The following RPL11 variants were observed in gnomAD, a reference collection of about 807,000 sequenced individuals.
RPL11 encodes large ribosomal subunit protein uL5.
A neutral mutation model predicts 24.1 loss-of-function variants in RPL11; 3 were observed. The ratio of observed to expected loss-of-function variants is 0.12; its 90% CI spans 0.06 to 0.32. RPL11 has a LOEUF of 0.32. Ranked by LOEUF, RPL11 falls within the 10% of genes least tolerant of loss-of-function variation. The probability of loss-of-function intolerance (pLI) is 1.00; values close to 1 mark genes in which losing one functional copy is unlikely to be tolerated. For missense variants in RPL11, 146 were observed against 225.7 expected (o/e 0.65, Z 2.26); for synonymous variants, 96 against 75.7 (o/e 1.27, Z -1.39).
At chr1:23,694,577 C>T in intron 3 of RPL11, 83 bp from the exon 4 acceptor site, 2 of 1,585,944 alleles carry the variant, frequency 1.3e-6, no homozygotes, top group South Asian at 1.1e-5. Context: ...GTGCATGTTG[C>T]AGGCTGAGCT....
intron 5 of RPL11, 24 bp from the exon 6 acceptor site, chr1:23,696,320 A>G: frequency 6.2e-7 from 1 of 1,613,318 alleles, no homozygotes; most frequent in Non-Finnish European, 8.5e-7. Flanking sequence ...CTGTTCTGAA[A>G]AAATTAAATC....
At chr1:23,693,142 C>T (rs1234576233) in intron 2 of RPL11, among the ~76,000 whole-genome samples, 1 of 152,170 alleles carries the variant, frequency 6.6e-6, no homozygotes, top group African/African-American at 2.4e-5. Context: ...TATATTAGTG[C>T]CACTGCACTC....
intron 1 of RPL11, chr1:23,692,162 C>T (rs1378246931): frequency 2.0e-5 from 10 of 508,990 alleles, no homozygotes; most frequent in African/African-American, 3.9e-5. Flanking sequence ...TTGCTCGGTG[C>T]TAGGAAACCT....
intron 1 of RPL11, 94 bp from the exon 2 acceptor site, chr1:23,692,515 A>G: frequency 1.3e-6 from 2 of 1,517,514 alleles, no homozygotes; most frequent in Non-Finnish European, 1.8e-6. Flanking sequence ...ACGATTTGGG[A>G]TGAGCAGAAA....
At chr1:23,695,446 C>G (rs1275657031) in intron 4 of RPL11, 5 of 336,508 alleles carry the variant, frequency 1.5e-5, no homozygotes, top group Non-Finnish European at 2.9e-5. Flanking sequence ...ATTTGTGCTT[C>G]TCAGAGTTGT....
chr1:23,692,060 G>T (rs1644503333), intron 1 of RPL11: 5 of 619,240 alleles, frequency 8.1e-6, no homozygotes, highest in Admixed American at 5.8e-5. Context: ...TCAGAAGCAC[G>T]GTCAGGAGGC....
At chr1:23,692,569 C>T in intron 1 of RPL11, 40 bp from the exon 2 acceptor site, 8 of 1,613,638 alleles carry the variant, frequency 5.0e-6, no homozygotes, top group Non-Finnish European at 6.8e-6. Flanking sequence ...TCAGGGCCCT[C>T]AGCTGTGAGT....
intron 3 of RPL11, 46 bp downstream of exon 3, chr1:23,693,959 A>G (rs373292503): frequency 1.1e-4 from 142 of 1,300,768 alleles, no homozygotes; most frequent in Non-Finnish European, 1.5e-4. Flanking sequence ...GCACTCCTTT[A>G]GTAACACATG....
At chr1:23,695,074 A>G in intron 4 of RPL11, 1 of 458,948 alleles carries the variant, frequency 2.2e-6, no homozygotes, top group Non-Finnish European at 4.0e-6. Context: ...CCCTCCAGCC[A>G]GTGATTTGAA....
In RPL11 at chr1:23,693,862, C is replaced by T. The variant is rs562572818; in HGVS notation, c.213C>T (p.His71=). The T allele has an allele frequency of 8.5e-5, 137 of 1,614,170 alleles. No homozygotes were observed. The South Asian group carries it at 1.4e-3, about 17-fold the overall frequency. ...GGAGAAATGAAAAGATTGCTGTCCA[C>T]TGCACAGTTCGAGGGGCCAAGGCAG... The part of the protein sequence containing the change: ...GIRRNEKIAV[H]CTVRGAKAEE... Residue 71 remains histidine, a synonymous_variant, in exon 3 of 6, where the codon CAC becomes CAT. Coordinates refer to ENST00000643754, the MANE Select transcript of RPL11 (RefSeq NM_000975.5).
chr1:23,694,441 T>TC (rs200550647), intron 3 of RPL11, among the ~76,000 whole-genome samples: 1,587 of 152,198 alleles, frequency 0.01, 32 homozygotes, highest in African/African-American at 0.033. Context: ...TCTGGGTTTT[T>TC]CTCTGCTCTT....
rs1644509334 is a variant in RPL11, at chr1:23,692,769, C to G, written c.157+10C>G. The G allele has an allele frequency of 1.9e-6, 3 of 1,612,998 alleles. No homozygotes were observed. The East Asian group carries it at 6.7e-5, about 36-fold the overall frequency. On this transcript the variant is annotated intron_variant, in intron 2 of 5. Coordinates refer to ENST00000643754, the MANE Select transcript of RPL11 (RefSeq NM_000975.5). The stretch of plus-strand genomic sequence containing the variant: ...CCTGTGTTTTCCAAAGGTGAGTAGT[C>G]ACAAGGACATACAGGGTTTGCCTGC...
In RPL11 at chr1:23,695,866, C is replaced by G; in HGVS notation, c.465C>G (p.His155Gln). Residue 155 changes from histidine (H) to glutamine (Q), a missense_variant, in exon 5 of 6, where the codon CAC becomes CAG. Transcript: ENST00000643754. ...GGACAGGCTGCATTGGGGCCAAACA[C>G]AGAATCAGCAAAGAGGAGGCCATGC... The part of the protein sequence containing the change: ...KRRTGCIGAK[H>Q]RISKEEAMRW... 1 of 1,598,652 alleles carries G rather than the reference C, an allele frequency of 6.3e-7. No individual in the cohort carries two copies. Among genetic ancestry groups the G allele is most frequent in the South Asian group, 1.1e-5 (1 of 87,900 alleles).
chr1:23,692,514 G>T (rs1437153092), intron 1 of RPL11, 95 bp from the exon 2 acceptor site: 5 of 1,514,104 alleles, frequency 3.3e-6, no homozygotes, highest in Non-Finnish European at 4.6e-6. Context: ...TACGATTTGG[G>T]ATGAGCAGAA....
At chr1:23,694,555 G>A in intron 3 of RPL11, 105 bp from the exon 4 acceptor site, 1 of 1,505,738 alleles carries the variant, frequency 6.6e-7, no homozygotes, top group Non-Finnish European at 9.2e-7. Context: ...ATTGACTTCT[G>A]TTTGCTCTGG....
At chr1:23,692,070 C>T in intron 1 of RPL11, 1 of 607,616 alleles carries the variant, frequency 1.6e-6, no homozygotes, top group East Asian at 2.8e-5. Context: ...GGTCAGGAGG[C>T]TGCAGCGGGG....
chr1:23,693,926 C>T lies in RPL11; in HGVS notation c.264+13C>T, dbSNP rs1644517778. On this transcript the variant is annotated intron_variant, in intron 3 of 5. Coordinates refer to ENST00000643754, the MANE Select transcript of RPL11 (RefSeq NM_000975.5). ...GAAGGGTCTAAAGGTGAGCCTAATC[C>T]CCTAATGGAGTGATATTGATCAGCA... 1 of 1,590,068 alleles carries T rather than the reference C, an allele frequency of 6.3e-7. No homozygotes were observed. Among genetic ancestry groups the T allele is most frequent in the Admixed American group, 1.7e-5 (1 of 59,944 alleles).
chr1:23,695,831 A>C lies in RPL11; in HGVS notation c.430A>C (p.Lys144Gln). 6.2e-7 allele frequency: 1 copy of C among 1,600,444 alleles called. No individual in the cohort carries two copies. The highest frequency in any genetic ancestry group is 8.5e-7 in the Non-Finnish European group (1 of 1,173,926). Residue 144 changes from lysine to glutamine, a missense_variant, in exon 5 of 6, where the codon AAG becomes CAG. By Grantham distance (53) the Lys-to-Gln change is moderately conservative. Coordinates refer to ENST00000643754, the MANE Select transcript of RPL11 (RefSeq NM_000975.5). The part of the protein sequence containing the change: ...LGRPGFSIAD[K>Q]KRRTGCIGAK... ...TAGGCCAGGTTTCAGCATCGCAGACAAGAAGCGCAGGACAGGCTGCATTGG... is the reference window on the plus strand; with the variant it reads ...TAGGCCAGGTTTCAGCATCGCAGACCAGAAGCGCAGGACAGGCTGCATTGG...
At chr1:23,695,499 T>TA (rs1420308954) in intron 4 of RPL11, 1 of 421,602 alleles carries the variant, frequency 2.4e-6, no homozygotes, top group African/African-American at 2.0e-5. Flanking sequence ...TTTTAAATGT[T>TA]ACTTTTAAAA....
Sources: allele counts gnomAD v4.1 joint callset (sites outside exome capture counted in the v4.1 genomes callset), GRCh38; gene constraint gnomAD v4.1.1; transcripts MANE v1.5; gene names NCBI Gene and HGNC (gene_info 2026-07-23, HGNC 2026-07-21).